Variants in ERC1 observed in about 807,000 individuals in gnomAD.
ERC1 encodes the protein ELKS/RAB6-interacting/CAST family member 1, also known as RAB6 interacting protein 2.
A neutral mutation model predicts 132.0 loss-of-function variants in ERC1; 56 were observed. The ratio of observed to expected loss-of-function variants is 0.42; its 90% confidence interval spans 0.34 to 0.53. The LOEUF (loss-of-function observed/expected upper bound fraction) is 0.53. ERC1 is among the 20% of genes least tolerant of loss of function. The pLI is 0.03. For missense variants in ERC1, 1,202 were observed against 1,349.9 expected, an observed-to-expected ratio of 0.89 and a Z score of 1.72; for synonymous variants, 478 against 476.1, an observed-to-expected ratio of 1.00 and a Z score of -0.05.
At chr12:1,034,726 T>C (rs908280442) in intron 2 of ERC1, among the ~76,000 whole-genome samples, 5 of 152,264 alleles carry the variant, frequency 3.3e-5, no homozygotes, top group African/African-American at 1.2e-4. Context: ...AAAAAAGTTA[T>C]TGGCGTACTT....
At chr12:1,360,785 G>A (rs1427653077) in intron 15 of ERC1, among the ~76,000 whole-genome samples, 4 of 152,034 alleles carry the variant, frequency 2.6e-5, no homozygotes, top group African/African-American at 7.2e-5. Context: ...CTAAAGTAAC[G>A]TTTAAGGAAA....
intron 15 of ERC1, among the ~76,000 whole-genome samples, chr12:1,363,828 TTACAGGTGTGAGCCA>T (rs1243069269): frequency 1.3e-5 from 2 of 152,178 alleles, no homozygotes; most frequent in African/African-American, 2.4e-5. Flanking sequence ...ATTGTTGCCA[TTACAGGTGTGAGCCA>T]CCAAGCCCAA....
At chr12:1,423,804 T>A (rs1245433693) in intron 17 of ERC1, among the ~76,000 whole-genome samples, 1 of 152,234 alleles carries the variant, frequency 6.6e-6, no homozygotes, top group Non-Finnish European at 1.5e-5. Flanking sequence ...CCTGATAAAC[T>A]GGCCTTCTTA....
At chr12:1,293,314 G>A (rs370402687) in intron 15 of ERC1, among the ~76,000 whole-genome samples, 14 of 150,044 alleles carry the variant, frequency 9.3e-5, no homozygotes, top group African/African-American at 2.7e-4. Context: ...TTAGCCAGGC[G>A]TGGTGGCGGG....
intron 18 of ERC1, among the ~76,000 whole-genome samples, chr12:1,446,062 G>A (rs746365753): frequency 3.9e-5 from 6 of 152,108 alleles, no homozygotes; most frequent in Non-Finnish European, 7.4e-5. Context: ...CACGTTGGGG[G>A]TTGGGATTTC....
At chr12:1,196,951 C>A (rs865898388) in intron 12 of ERC1, among the ~76,000 whole-genome samples, 1 of 35,562 alleles carries the variant, frequency 2.8e-5, no homozygotes, top group Non-Finnish European at 5.1e-5. Context: ...CACACACACA[C>A]ACACACACAC....
At chr12:1,144,811 G>A (rs1363415392) in intron 8 of ERC1, among the ~76,000 whole-genome samples, 2 of 152,004 alleles carry the variant, frequency 1.3e-5, no homozygotes, top group Non-Finnish European at 2.9e-5. Flanking sequence ...GTAGATACCA[G>A]TAGTGGGATT....
chr12:1,425,506 T>C (rs1302820693), intron 17 of ERC1, among the ~76,000 whole-genome samples: 6 of 152,302 alleles, frequency 3.9e-5, no homozygotes, highest in Middle Eastern at 3.4e-3. Flanking sequence ...CAGCCTTTCC[T>C]CATAGCAAGG....
chr12:1,006,509 C>T (rs1467193498), intron 1 of ERC1, among the ~76,000 whole-genome samples: 4 of 152,078 alleles, frequency 2.6e-5, no homozygotes, highest in Non-Finnish European at 5.9e-5. Context: ...TTGCCTCCTG[C>T]ATAGCTGGGA....
chr12:1,009,713 A>G (rs929940959), intron 1 of ERC1, among the ~76,000 whole-genome samples: 1 of 152,218 alleles, frequency 6.6e-6, no homozygotes, highest in Non-Finnish European at 1.5e-5. Context: ...TTAGTTATAC[A>G]TGTTAATTAT....
intron 8 of ERC1, among the ~76,000 whole-genome samples, chr12:1,172,002 T>C (rs75516562): frequency 6.6e-6 from 1 of 152,344 alleles, no homozygotes; most frequent in Non-Finnish European, 1.5e-5. Context: ...CCTCTGATTT[T>C]ATCAGTTTTT....
At chr12:1,482,627 T>C (rs2094115687) in intron 18 of ERC1, among the ~76,000 whole-genome samples, 3 of 152,050 alleles carry the variant, frequency 2.0e-5, no homozygotes, top group African/African-American at 7.2e-5. Context: ...TTTTGTATTT[T>C]TGATAGACGG....
chr12:1,170,200 C>G (rs1194124924), intron 8 of ERC1, among the ~76,000 whole-genome samples: 1 of 152,038 alleles, frequency 6.6e-6, no homozygotes, highest in African/African-American at 2.4e-5. Flanking sequence ...TTTTTGTATC[C>G]TTAATTCTCA....
intron 13 of ERC1, among the ~76,000 whole-genome samples, chr12:1,238,816 C>T (rs1052452896): frequency 6.6e-6 from 1 of 152,006 alleles, no homozygotes; most frequent in African/African-American, 2.4e-5. Flanking sequence ...TATGTAATCT[C>T]TTATTTCCTT....
intron 8 of ERC1, among the ~76,000 whole-genome samples, chr12:1,157,446 A>G (rs1172538542): frequency 1.3e-5 from 2 of 152,146 alleles, no homozygotes; most frequent in African/African-American, 4.8e-5. Context: ...AAATTTATAT[A>G]TTGCCGTAAT....
chr12:1,129,388 G>A (rs1948535180), intron 7 of ERC1, among the ~76,000 whole-genome samples: 3 of 152,124 alleles, frequency 2.0e-5, no homozygotes, highest in Non-Finnish European at 4.4e-5. Context: ...ACCAGGTGTG[G>A]TGTGTACATG....
chr12:1,440,968 C>T (rs1024120483), intron 17 of ERC1, among the ~76,000 whole-genome samples: 22 of 151,366 alleles, frequency 1.5e-4, no homozygotes, highest in African/African-American at 4.6e-4. Flanking sequence ...TTTAAGTTTT[C>T]GATTGGACTC....
intron 15 of ERC1, among the ~76,000 whole-genome samples, chr12:1,306,747 T>G (rs2080913060): frequency 1.3e-5 from 2 of 151,882 alleles, no homozygotes; most frequent in South Asian, 4.2e-4. Context: ...TTGTTTTTTG[T>G]TTTTTTTAGA....
intron 8 of ERC1, among the ~76,000 whole-genome samples, chr12:1,165,084 T>A (rs1327842008): frequency 6.6e-6 from 1 of 152,090 alleles, no homozygotes; most frequent in African/African-American, 2.4e-5. Flanking sequence ...ATGTAATTCA[T>A]AGGAAGAAAG....
Sources: gnomAD v4.1 joint callset for allele counts (sites outside exome capture counted in the v4.1 genomes callset) on GRCh38, gnomAD v4.1.1 for gene constraint, MANE v1.5 for transcripts, NCBI Gene and HGNC (gene_info 2026-07-23, HGNC 2026-07-21) for gene names.